Variants in MOXD1 observed in about 807,000 individuals in gnomAD.
The protein encoded by MOXD1 is monooxygenase DBH like 1.
Under a neutral mutation model 66.6 loss-of-function variants are expected in MOXD1, and 62 were observed. The ratio of observed to expected loss-of-function variants is 0.93; its 90% CI spans 0.76 to 1.15. The LOEUF (loss-of-function observed/expected upper bound fraction) is 1.15, where lower values mean the gene tolerates loss of function less well. MOXD1 is among the 50% of genes most tolerant of loss of function. The probability of loss-of-function intolerance (pLI) is 0.00; values close to 1 mark genes in which losing one functional copy is unlikely to be tolerated. For synonymous variants in MOXD1, 303 were observed against 281.9 expected (o/e 1.07, Z -0.75); for missense variants, 847 against 754.6 (o/e 1.12, Z -1.44).
rs774381497 is a variant in MOXD1, at chr6:132,328,116, C to T, written c.844-1G>A. 6.2e-7 allele frequency: 1 copy of T among 1,610,786 alleles called. No homozygotes were observed. The highest frequency in any genetic ancestry group is 1.3e-5 in the African/African-American group (1 of 74,770). On this transcript the variant is annotated splice_acceptor_variant, in intron 5 of 11. Transcript: ENST00000367963. LOFTEE classifies it high-confidence loss of function. ...CAACATGAGGTGGATAAGAAAAGCC[C>T]TAAATATGGAAAATGCCATGAGACA...
At chr6:132,304,460 A>C (rs904304388) in intron 10 of MOXD1, among the ~76,000 whole-genome samples, 1 of 152,160 alleles carries the variant, frequency 6.6e-6, no homozygotes, top group South Asian at 2.1e-4. Context: ...CTTGAATCTC[A>C]CATTGCCCTG....
At chr6:132,317,946 A>T (rs1415244704) in intron 9 of MOXD1, among the ~76,000 whole-genome samples, 1 of 152,216 alleles carries the variant, frequency 6.6e-6, no homozygotes, top group South Asian at 2.1e-4. Flanking sequence ...ACATAATATC[A>T]CACTATATAT....
chr6:132,332,279 CA>C (rs145678451), intron 4 of MOXD1, among the ~76,000 whole-genome samples: 1,590 of 152,136 alleles, frequency 0.01, 41 homozygotes, highest in African/African-American at 0.037. Context: ...CATAAAACAA[CA>C]AGGAACCTTG....
At chr6:132,307,465 CAG>C (rs1445912135) in intron 10 of MOXD1, among the ~76,000 whole-genome samples, 1 of 152,148 alleles carries the variant, frequency 6.6e-6, no homozygotes, top group Non-Finnish European at 1.5e-5. Flanking sequence ...AAAAACAAGA[CAG>C]AAAATTAACA....
At chr6:132,314,158 C>T (rs561294554) in intron 10 of MOXD1, among the ~76,000 whole-genome samples, 1 of 152,298 alleles carries the variant, frequency 6.6e-6, no homozygotes, top group Non-Finnish European at 1.5e-5. Flanking sequence ...TCATCCTCAG[C>T]ATGTTCCCCT....
chr6:132,393,745 C>A (rs191646298), intron 1 of MOXD1, among the ~76,000 whole-genome samples: 1 of 152,218 alleles, frequency 6.6e-6, no homozygotes, highest in African/African-American at 2.4e-5. Context: ...GGCCCAAGAG[C>A]CCCTGCACCT....
At chr6:132,374,508 C>A (rs1776335278) in intron 2 of MOXD1, 123 bp downstream of exon 2, 17 of 1,017,230 alleles carry the variant, frequency 1.7e-5, no homozygotes, top group South Asian at 1.5e-4. Flanking sequence ...TAAAAAAAAT[C>A]AAAAAAGATT....
intron 10 of MOXD1, among the ~76,000 whole-genome samples, chr6:132,313,717 C>T (rs1221669384): frequency 6.6e-6 from 1 of 151,978 alleles, no homozygotes; most frequent in Non-Finnish European, 1.5e-5. Flanking sequence ...AGTTCGAGAC[C>T]AGCCTGCCCA....
chr6:132,313,420 G>GTA (rs1485475269), intron 10 of MOXD1, among the ~76,000 whole-genome samples: 2 of 152,074 alleles, frequency 1.3e-5, no homozygotes, highest in Non-Finnish European at 2.9e-5. Flanking sequence ...TCATTTTGCT[G>GTA]TTTGCAAAAA....
At chr6:132,321,962 C>A (rs1207211705) in intron 8 of MOXD1, among the ~76,000 whole-genome samples, 2 of 152,150 alleles carry the variant, frequency 1.3e-5, no homozygotes, top group Non-Finnish European at 2.9e-5. Context: ...CCTGACAGTT[C>A]ATCCCATCTA....
chr6:132,331,794 T>A (rs1775324680), intron 4 of MOXD1, among the ~76,000 whole-genome samples: 1 of 152,138 alleles, frequency 6.6e-6, no homozygotes, highest in Non-Finnish European at 1.5e-5. Flanking sequence ...AGTCTGTACT[T>A]TCCTACGGCT....
chr6:132,381,400 T>G (rs770978661), intron 1 of MOXD1, among the ~76,000 whole-genome samples: 2 of 151,988 alleles, frequency 1.3e-5, no homozygotes, highest in African/African-American at 4.8e-5. Flanking sequence ...ACAACAGAAG[T>G]GGCATATTGG....
rs1018981489 is a variant in MOXD1 at position 132,372,772 on chromosome 6, G to A, written c.579+58C>T. The A allele has an allele frequency of 5.0e-6, 8 of 1,608,222 alleles. No homozygotes were observed. In the African/African-American group the frequency reaches 6.7e-5, roughly 13 times the overall value. On this transcript the variant is annotated intron_variant, in intron 3 of 11. Transcript: ENST00000367963. ...TGAATACAATAATGTAAGCAAAAAT[G>A]CTCGTATACACTTTCAATAAGCCCA...
chr6:132,357,060 C>T (rs1775922918), intron 4 of MOXD1, among the ~76,000 whole-genome samples: 1 of 151,758 alleles, frequency 6.6e-6, no homozygotes, highest in African/African-American at 2.4e-5. Context: ...GAGAAAAAAA[C>T]TCCTTAATCT....
intron 4 of MOXD1, among the ~76,000 whole-genome samples, chr6:132,333,688 A>C (rs1261391828): frequency 6.6e-6 from 1 of 152,214 alleles, no homozygotes; most frequent in African/African-American, 2.4e-5. Flanking sequence ...TCCCCTGATG[A>C]CATCAAACTA....
At chr6:132,386,595 C>T (rs976667245) in intron 1 of MOXD1, among the ~76,000 whole-genome samples, 2 of 151,384 alleles carry the variant, frequency 1.3e-5, no homozygotes, top group Non-Finnish European at 3.0e-5. Flanking sequence ...GTCTTCCCTT[C>T]CATTCATTTC....
In MOXD1 at chr6:132,372,884, C is replaced by T. The variant is rs149106266; in HGVS notation, c.525G>A (p.Glu175=). Residue 175 remains glutamate, a synonymous_variant, in exon 3 of 12, where the codon GAG becomes GAA. Transcript: ENST00000367963. ...AGGCTGTAGATAGCACACTAGTTTTCTCAGGATTCAATAACCGCAAACTCT... is the reference window on the plus strand; with the variant it reads ...AGGCTGTAGATAGCACACTAGTTTTTTCAGGATTCAATAACCGCAAACTCT... ...GTKSLRLLNP[E]KTSVLSTALP... is the part of the protein sequence containing the mutation. 3.0e-4 allele frequency: 482 copies of T among 1,614,070 alleles called. No homozygotes were observed. The African/African-American group carries it at 6.0e-3, about 20-fold the overall frequency.
At chr6:132,374,983 T>G in intron 1 of MOXD1, 3 of 603,182 alleles carry the variant, frequency 5.0e-6, no homozygotes, top group Non-Finnish European at 5.9e-6. Context: ...GAAAGCATAG[T>G]GTAGACTGAT....
chr6:132,324,499 A>T (rs1775146941), intron 6 of MOXD1, among the ~76,000 whole-genome samples: 1 of 152,250 alleles, frequency 6.6e-6, no homozygotes, highest in Admixed American at 6.5e-5. Flanking sequence ...AAGTTCAATA[A>T]CATTTACTTT....
Sources: allele counts gnomAD v4.1 joint callset (sites outside exome capture counted in the v4.1 genomes callset), GRCh38; gene constraint gnomAD v4.1.1; transcripts MANE v1.5; gene names NCBI Gene and HGNC (gene_info 2026-07-23, HGNC 2026-07-21).